Variants in EPB41L1 observed in about 807,000 individuals in gnomAD.
EPB41L1 encodes band 4.1-like protein 1.
In EPB41L1, 29 loss-of-function variants were observed where a neutral mutation model predicts 97.8. That is an observed-to-expected ratio of 0.30 (90% CI 0.22 to 0.40). EPB41L1 has a LOEUF of 0.40. Ranked by LOEUF, EPB41L1 falls within the 10% of genes least tolerant of loss-of-function variation. The pLI is 1.00. For synonymous variants in EPB41L1, 383 were observed against 459.2 expected (o/e 0.83, Z 2.12); for missense variants, 812 against 1,162.3 (o/e 0.70, Z 4.38).
intron 2 of EPB41L1, among the ~76,000 whole-genome samples, chr20:36,126,450 T>C (rs1041091983): frequency 1.3e-5 from 2 of 149,446 alleles, no homozygotes; most frequent in Non-Finnish European, 3.0e-5. Context: ...CACTGCAACC[T>C]CTGCCTCCCG....
At chr20:36,225,435 G>A (rs1490802628) in intron 21 of EPB41L1, among the ~76,000 whole-genome samples, 1 of 152,194 alleles carries the variant, frequency 6.6e-6, no homozygotes, top group African/African-American at 2.4e-5. Context: ...TGGGACCTGG[G>A]ACCTGTATTG....
intron 21 of EPB41L1, among the ~76,000 whole-genome samples, chr20:36,225,451 G>T (rs997388758): frequency 6.6e-6 from 1 of 152,166 alleles, no homozygotes; most frequent in Non-Finnish European, 1.5e-5. Context: ...TATTGCCTGG[G>T]AATCTTCATT....
chr20:36,177,381 C>T (rs1208209974), intron 3 of EPB41L1, among the ~76,000 whole-genome samples: 1 of 152,178 alleles, frequency 6.6e-6, no homozygotes, highest in African/African-American at 2.4e-5. Context: ...AATGGTACTT[C>T]CAGCAGAAGC....
intron 1 of EPB41L1, among the ~76,000 whole-genome samples, chr20:36,107,660 T>C (rs2058242581): frequency 7.0e-6 from 1 of 143,198 alleles, no homozygotes; most frequent in Admixed American, 7.2e-5. Context: ...GAAACCCCCG[T>C]CTCTACTAAA....
At chr20:36,204,767 A>C (rs992860233) in intron 14 of EPB41L1, among the ~76,000 whole-genome samples, 1 of 151,742 alleles carries the variant, frequency 6.6e-6, no homozygotes, top group Non-Finnish European at 1.5e-5. Flanking sequence ...TCAGCCTCCC[A>C]AGTAGCTGGG....
At chr20:36,219,714 ACTGT>A (rs1461240324) in intron 18 of EPB41L1, 43 bp from the exon 19 acceptor site, 1 of 1,536,380 alleles carries the variant, frequency 6.5e-7, no homozygotes, top group East Asian at 2.3e-5. Flanking sequence ...TCCAGAGCCC[ACTGT>A]CCTTACCTGA....
At chr20:36,125,323 C>T in intron 2 of EPB41L1, 1 of 659,576 alleles carries the variant, frequency 1.5e-6, no homozygotes, top group Non-Finnish European at 2.8e-6. Flanking sequence ...ACCTAAGAGT[C>T]AGATGCTTGG....
chr20:36,232,088 C>T lies in EPB41L1; in HGVS notation c.*2748C>T, dbSNP rs1425007020. 1 of 152,606 alleles carries T rather than the reference C, an allele frequency of 6.6e-6. No homozygotes were observed. The highest frequency in any genetic ancestry group is 1.9e-4 in the East Asian group (1 of 5,208). The allele number at this position is 152,606 out of a possible 1,614,324, so 9.5% of individuals were successfully genotyped here. On this transcript the variant is annotated 3_prime_UTR_variant, in exon 22 of 22. Coordinates refer to ENST00000338074, the MANE Select transcript of EPB41L1 (RefSeq NM_012156.2). ...CACCATCCCGCGGATGCTGTGACCT[C>T]CCTTCTACGGAGATGCAGGCAGTGC... is the stretch of plus-strand genomic sequence containing the variant.
At chr20:36,167,624 C>T (rs1268561371) in intron 1 of EPB41L1, among the ~76,000 whole-genome samples, 3 of 151,898 alleles carry the variant, frequency 2.0e-5, no homozygotes, top group Non-Finnish European at 2.9e-5. Context: ...AGGAGAATTG[C>T]TTGAATCCAG....
chr20:36,187,970 G>A (rs556494301), intron 8 of EPB41L1, among the ~76,000 whole-genome samples: 2 of 152,266 alleles, frequency 1.3e-5, no homozygotes, highest in East Asian at 3.9e-4. Flanking sequence ...TTATGAACCT[G>A]TTTGAGCCAC....
intron 15 of EPB41L1, among the ~76,000 whole-genome samples, chr20:36,210,242 C>A (rs2063055743): frequency 6.6e-6 from 1 of 152,150 alleles, no homozygotes; most frequent in Admixed American, 6.5e-5. Context: ...CTCCTGCAGC[C>A]TGGTCTGAAA....
At chr20:36,205,225 C>A (rs2062734155) in intron 14 of EPB41L1, among the ~76,000 whole-genome samples, 1 of 152,202 alleles carries the variant, frequency 6.6e-6, no homozygotes, top group African/African-American at 2.4e-5. Context: ...GAACTTAATG[C>A]ATCCCTTCAA....
Position 36,219,768 on chromosome 20 carries a change from G to A in EPB41L1, c.2363G>A (p.Gly788Glu). Residue 788 changes from glycine (G) to glutamate (E), a missense_variant, in exon 19 of 22, where the codon GGG becomes GAG. Gly to Glu is a moderately conservative substitution (Grantham distance 98). Transcript: ENST00000338074. ...TEIRSLSPII[G>E]KDVLTSTYGA... is the part of the protein sequence containing the mutation. The stretch of plus-strand genomic sequence containing the variant: ...GGTGGTTATATTCTGCAGATCATCG[G>A]GAAAGATGTCCTCACCAGCACCTAC... 1.2e-6 allele frequency: 2 copies of A among 1,614,164 alleles called. No individual in the cohort carries two copies. The highest frequency in any genetic ancestry group is 1.7e-6 in the Non-Finnish European group (2 of 1,180,020).
At chr20:36,111,852 T>G (rs2058415657) in intron 1 of EPB41L1, among the ~76,000 whole-genome samples, 1 of 151,764 alleles carries the variant, frequency 6.6e-6, no homozygotes, top group South Asian at 2.1e-4. Context: ...CCATATTTAT[T>G]TCACAGATGG....
In EPB41L1 at chr20:36,206,643, C is replaced by G; in HGVS notation, c.1669-2845C>G. On this transcript the variant is annotated intron_variant, in intron 14 of 21. Transcript: ENST00000338074. This position sits in a 1 kb window ranked among gnomAD's most constrained non-coding sequence, Gnocchi z 5.5. ...CCAGCAGGAGCAAGGACGAAGCCCA[C>G]ATGACTTCCCCAAAGGAAGGGGCAG... The G allele has an allele frequency of 7.8e-7, 1 of 1,289,818 alleles. No homozygotes were observed. Among genetic ancestry groups the G allele is most frequent in the Non-Finnish European group, 1.0e-6 (1 of 988,870 alleles). 79.9% of individuals were successfully genotyped at this position (1,289,818 alleles called of 1,614,324 possible).
intron 14 of EPB41L1, among the ~76,000 whole-genome samples, chr20:36,199,708 T>C (rs1416062617): frequency 6.6e-6 from 1 of 152,142 alleles, no homozygotes; most frequent in Non-Finnish European, 1.5e-5. Flanking sequence ...GGTCTAGTGA[T>C]CCAGTGAACA....
At chr20:36,177,751 A>G (rs1360150816) in intron 3 of EPB41L1, among the ~76,000 whole-genome samples, 3 of 152,232 alleles carry the variant, frequency 2.0e-5, no homozygotes, top group Non-Finnish European at 4.4e-5. Flanking sequence ...AAGGCCATCA[A>G]GGAGCTGGCC....
At chr20:36,152,985 G>C (rs1159605457), upstream of EPB41L1, 2 of 456,518 alleles carry the variant, frequency 4.4e-6, no homozygotes, top group Non-Finnish European at 8.8e-6. Flanking sequence ...CTGTTCTCTA[G>C]GACTGGGAGA....
chr20:36,181,019 A>G (rs955100218), intron 5 of EPB41L1, among the ~76,000 whole-genome samples: 11 of 152,168 alleles, frequency 7.2e-5, no homozygotes, highest in African/African-American at 2.4e-4. Context: ...GATTATGAAG[A>G]TCAAACCCCT....
Sources: allele counts gnomAD v4.1 joint callset (sites outside exome capture counted in the v4.1 genomes callset), GRCh38; gene constraint gnomAD v4.1.1; non-coding constraint Gnocchi (gnomAD v3.1); transcripts MANE v1.5; gene names NCBI Gene and HGNC (gene_info 2026-07-23, HGNC 2026-07-21).